The following IGSF3 variants were observed in gnomAD, a reference collection of about 807,000 sequenced individuals.
IGSF3 encodes immunoglobulin superfamily member 3, also known as glu-Trp-Ile EWI motif-containing protein 3.
In IGSF3, 23 loss-of-function variants were observed where a neutral mutation model predicts 114.4. The observed-to-expected ratio is 0.20, with a 90% confidence interval of 0.14 to 0.28. The LOEUF is 0.28. Ranked by LOEUF, IGSF3 falls within the 10% of genes least tolerant of loss-of-function variation. IGSF3 has a pLI of 1.00. For missense variants in IGSF3, 1,172 were observed against 1,591.5 expected (o/e 0.74, Z 4.48); for synonymous variants, 571 against 645.2 (o/e 0.88, Z 1.74).
At chr1:116,622,085 C>T (rs1377027458) in intron 2 of IGSF3, among the ~76,000 whole-genome samples, 7 of 152,144 alleles carry the variant, frequency 4.6e-5, no homozygotes, top group African/African-American at 1.2e-4. Flanking sequence ...GTTCAAGATG[C>T]GTGACTGAGC....
intron 2 of IGSF3, 120 bp downstream of exon 2, chr1:116,666,164 C>G: frequency 2.1e-6 from 2 of 935,380 alleles, no homozygotes; most frequent in Admixed American, 1.8e-5. Context: ...TGACACACAC[C>G]GACCGCCTCC....
intron 7 of IGSF3, among the ~76,000 whole-genome samples, chr1:116,597,242 G>A: frequency 6.6e-6 from 1 of 152,200 alleles, no homozygotes; most frequent in Non-Finnish European, 1.5e-5. Flanking sequence ...TGAAGATTAA[G>A]TGAGGTAATA....
At chr1:116,591,460 T>C (rs1386539801) in intron 7 of IGSF3, among the ~76,000 whole-genome samples, 6 of 152,264 alleles carry the variant, frequency 3.9e-5, no homozygotes, top group African/African-American at 1.4e-4. Context: ...TAACTGCATA[T>C]GTTAAACTGG....
At position 116,610,102 on chromosome 1, in the gene IGSF3, C is replaced by T. The variant is rs555766040; in HGVS notation, c.833-1771G>A. Among the ~76,000 whole-genome samples, 212 of 152,342 alleles carry T rather than the reference C, an allele frequency of 1.4e-3. 16 individuals carry two copies. The highest frequency in any genetic ancestry group is 4.1e-3 in the South Asian group (20 of 4,832). ...TAAGAGGCATGGATTGAAGGAAGCA[C>T]ATTTCACTCTGCCACCATCTGCCTG... On this transcript the variant is annotated intron_variant, in intron 4 of 10. Coordinates refer to ENST00000369486, the MANE Select transcript of IGSF3 (RefSeq NM_001007237.3). This position sits in a 1 kb window ranked among gnomAD's most constrained non-coding sequence, Gnocchi z 4.3.
At chr1:116,617,173 G>A (rs561630486) in intron 2 of IGSF3, 1 of 399,626 alleles carries the variant, frequency 2.5e-6, no homozygotes, top group Non-Finnish European at 3.4e-6. Flanking sequence ...AGCTAAACCT[G>A]TGACAAGGAC....
intron 2 of IGSF3, among the ~76,000 whole-genome samples, chr1:116,658,110 C>G (rs1192115550): frequency 1.3e-5 from 2 of 151,420 alleles, no homozygotes; most frequent in Non-Finnish European, 2.9e-5. Flanking sequence ...GGTGCAATCT[C>G]GGCTCATCGC....
Position 116,579,511 on chromosome 1 carries a change from G to C in IGSF3, c.3215C>G (p.Pro1072Arg), listed in dbSNP as rs1342735692. The change falls in exon 10 of 11, where the codon CCC (proline) becomes CGC (arginine). Residue 1072 changes from proline to arginine, a missense_variant. By Grantham distance (103) the Pro-to-Arg change is moderately radical. Coordinates refer to ENST00000369486, the MANE Select transcript of IGSF3 (RefSeq NM_001007237.3). The surrounding 1 kb of genome is among the most constrained non-coding windows in gnomAD (Gnocchi z 6.4). ...GCAGGAGTAATTGCCTGTATCTTGG[G>C]GGCTTGCCTGCAGCACTGTGAGCCG... ...LYRLTVLQAS[P>R]QDTGNYSCHV... 1.9e-6 allele frequency: 3 copies of C among 1,613,946 alleles called. No homozygotes were observed. The highest frequency in any genetic ancestry group is 1.7e-5 in the Admixed American group (1 of 59,986).
intron 2 of IGSF3, among the ~76,000 whole-genome samples, chr1:116,630,798 G>A (rs1325375275): frequency 6.6e-6 from 1 of 152,188 alleles, no homozygotes; most frequent in Non-Finnish European, 1.5e-5. Context: ...GTTTTAATTA[G>A]GATGAGTAGG....
At chr1:116,608,707 A>C (rs549805278) in intron 4 of IGSF3, among the ~76,000 whole-genome samples, 1 of 152,176 alleles carries the variant, frequency 6.6e-6, no homozygotes, top group Non-Finnish European at 1.5e-5. Flanking sequence ...ATATGCACCC[A>C]GAACTCTATT....
chr1:116,592,595 C>T lies in IGSF3; in HGVS notation c.2030-3491G>A, dbSNP rs535033191. Among the ~76,000 whole-genome samples, 4 of 152,274 alleles carry T rather than the reference C, an allele frequency of 2.6e-5. No homozygotes were observed. The highest frequency in any genetic ancestry group is 3.9e-4 in the East Asian group (2 of 5,170). On this transcript the variant is annotated intron_variant, in intron 7 of 10. Transcript: ENST00000369486. The surrounding 1 kb of genome is among the most constrained non-coding windows in gnomAD (Gnocchi z 4.5). ...AGACATCAGGAAGAGGGAAGAACTT[C>T]GCAGCGGAGACCAGCAGCAGCTTTC...
In IGSF3 at chr1:116,662,262, T is replaced by G. The variant is rs1053538708; in HGVS notation, c.43+4022A>C. ...ATTTTTGTATTTTTAGTACAGACGG[T>G]GTTTCACCATGTTGGCCAGGCTGGT... On this transcript the variant is annotated intron_variant, in intron 2 of 10. Transcript: ENST00000369486. The surrounding 1 kb of genome is among the most constrained non-coding windows in gnomAD (Gnocchi z 4.3). Among the ~76,000 whole-genome samples the G allele has an allele frequency of 6.6e-6, 1 of 151,778 alleles. No homozygotes were observed. The highest frequency in any genetic ancestry group is 2.4e-5 in the African/African-American group (1 of 41,288).
intron 2 of IGSF3, among the ~76,000 whole-genome samples, chr1:116,645,175 T>C (rs1211867283): frequency 6.6e-6 from 1 of 152,086 alleles, no homozygotes; most frequent in Admixed American, 6.5e-5. Context: ...TACTCAGCAA[T>C]AAAAAGGCGT....
At chr1:116,635,095 T>G (rs1647764414) in intron 2 of IGSF3, among the ~76,000 whole-genome samples, 1 of 152,228 alleles carries the variant, frequency 6.6e-6, no homozygotes, top group African/African-American at 2.4e-5. Context: ...TAATTTTTGC[T>G]TTAAGCCACT....
intron 2 of IGSF3, among the ~76,000 whole-genome samples, chr1:116,658,169 G>A (rs1648949156): frequency 6.6e-6 from 1 of 152,076 alleles, no homozygotes; most frequent in African/African-American, 2.4e-5. Flanking sequence ...AGCCTCCCAA[G>A]TAGCCAGGAT....
Position 116,613,916 on chromosome 1 carries a change from G to A in IGSF3, c.681C>T (p.Thr227=), listed in dbSNP as rs1475334225. 5 of 1,613,782 alleles carry A rather than the reference G, an allele frequency of 3.1e-6. No homozygotes were observed. The highest frequency in any genetic ancestry group is 1.7e-5 in the Admixed American group (1 of 59,992). The part of the protein sequence containing the change: ...GEVRLDKLGR[T]TFRLTIFHLQ... ...GGTGGAAGATGGTGAGGCGGAAGGT[G>A]GTCCTCCCCAGCTTGTCCAGCCGCA... Residue 227 remains threonine, a synonymous_variant, in exon 4 of 11, where the codon ACC becomes ACT. Transcript: ENST00000369486.
At chr1:116,641,504 A>G (rs1194323320) in intron 2 of IGSF3, among the ~76,000 whole-genome samples, 1 of 148,508 alleles carries the variant, frequency 6.7e-6, no homozygotes, top group Non-Finnish European at 1.5e-5. Context: ...TCAAAAAAAA[A>G]AAAAAAAAAA....
intron 2 of IGSF3, among the ~76,000 whole-genome samples, chr1:116,639,115 C>A (rs1647964605): frequency 6.6e-6 from 1 of 152,164 alleles, no homozygotes; most frequent in Admixed American, 6.5e-5. Flanking sequence ...TGGCAGGCAG[C>A]CCAGGGACAG....
rs750653520 is a variant in IGSF3 at position 116,613,786 on chromosome 1, C to T, written c.811G>A (p.Val271Met). The T allele has an allele frequency of 6.8e-6, 11 of 1,613,772 alleles. No homozygotes were observed. The highest frequency in any genetic ancestry group is 2.7e-5 in the African/African-American group (2 of 75,048). ...AMTRKRSEGA[V>M]VNVQPTDKEF... Reference sequence around the variant, plus strand: ...TGACCAGTTGGCTGGACGTTGACCACGGCTCCCTCGGAACGCTTTCGGGTC... The same window carrying T: ...TGACCAGTTGGCTGGACGTTGACCATGGCTCCCTCGGAACGCTTTCGGGTC... The change falls in exon 4 of 11, where the codon GTG (valine) becomes ATG (methionine). Residue 271 changes from valine to methionine, a missense_variant. Val to Met is a conservative substitution (Grantham distance 21, BLOSUM62 1). Around this residue, in one of 3 missense-constraint regions of IGSF3, gnomAD observed 736 missense variants for 1,042.0 expected, o/e 0.71. Coordinates refer to ENST00000369486, the MANE Select transcript of IGSF3 (RefSeq NM_001007237.3).
At position 116,629,492 on chromosome 1, in the gene IGSF3, A is replaced by T. The variant is rs1647460406; in HGVS notation, c.44-13035T>A. 6.6e-6 allele frequency among the ~76,000 whole-genome samples: 1 copy of T among 152,218 alleles called. No homozygotes were observed. Among genetic ancestry groups the T allele is most frequent in the Non-Finnish European group, 1.5e-5 (1 of 68,032 alleles). On this transcript the variant is annotated intron_variant, in intron 2 of 10. Transcript: ENST00000369486. This position sits in a 1 kb window ranked among gnomAD's most constrained non-coding sequence, Gnocchi z 4.3. Reference sequence around the variant, plus strand: ...CAGACCACCTGCCTCATAAAACCCAAAAAAAGAAGTCAGAGAGGGGTGAAT... The same window carrying T: ...CAGACCACCTGCCTCATAAAACCCATAAAAAGAAGTCAGAGAGGGGTGAAT...
Sources: allele counts gnomAD v4.1 joint callset (sites outside exome capture counted in the v4.1 genomes callset), GRCh38; gene constraint gnomAD v4.1.1; regional missense constraint gnomAD v4.1.1; non-coding constraint Gnocchi (gnomAD v3.1); transcripts MANE v1.5; gene names NCBI Gene and HGNC (gene_info 2026-07-23, HGNC 2026-07-21).